The following EXD2 variants were observed in gnomAD, a reference collection of about 807,000 sequenced individuals.
EXD2 encodes exonuclease 3'-5' domain containing 2, also known as exonuclease 3'-5' domain-containing protein 2.
Under a neutral mutation model 62.5 loss-of-function variants are expected in EXD2, and 40 were observed. The ratio of observed to expected loss-of-function variants is 0.64; its 90% CI spans 0.50 to 0.83. The LOEUF is 0.83. Ranked by LOEUF, EXD2 falls within the 40% of genes least tolerant of loss-of-function variation. The pLI is 0.00. For synonymous variants in EXD2, 239 were observed against 291.9 expected, an observed-to-expected ratio of 0.82 and a Z score of 1.85; for missense variants, 671 against 761.8, an observed-to-expected ratio of 0.88 and a Z score of 1.40.
At chr14:69,226,505 T>C (rs1246807617) in intron 3 of EXD2, among the ~76,000 whole-genome samples, 1 of 152,194 alleles carries the variant, frequency 6.6e-6, no homozygotes. Context: ...CACAGCACTT[T>C]GGGAGGCTGA....
At chr14:69,193,319 G>A (rs2042097285) in intron 1 of EXD2, among the ~76,000 whole-genome samples, 1 of 152,146 alleles carries the variant, frequency 6.6e-6, no homozygotes, top group Non-Finnish European at 1.5e-5. Context: ...TTGGCCTCCC[G>A]AAGTGATGGG....
At chr14:69,195,813 G>T (rs1354098775) in intron 1 of EXD2, among the ~76,000 whole-genome samples, 2 of 152,078 alleles carry the variant, frequency 1.3e-5, no homozygotes, top group Non-Finnish European at 2.9e-5. Flanking sequence ...ATAATGTACT[G>T]AAGATTCTTC....
At chr14:69,215,213 C>A (rs2042947517) in intron 3 of EXD2, among the ~76,000 whole-genome samples, 3 of 151,942 alleles carry the variant, frequency 2.0e-5, no homozygotes, top group African/African-American at 7.3e-5. Context: ...TTGCTGGAAC[C>A]CAGGAGGCAG....
intron 2 of EXD2, among the ~76,000 whole-genome samples, chr14:69,207,975 T>C (rs934152065): frequency 6.6e-6 from 1 of 151,908 alleles, no homozygotes; most frequent in East Asian, 1.9e-4. Context: ...TTCGGCTGAC[T>C]GAAACCTCCA....
chr14:69,216,807 GT>G (rs2043000774), intron 3 of EXD2, among the ~76,000 whole-genome samples: 1 of 152,026 alleles, frequency 6.6e-6, no homozygotes, highest in African/African-American at 2.4e-5. Flanking sequence ...TAATTAACAA[GT>G]GCATTACTTC....
chr14:69,203,367 T>C lies in EXD2; in HGVS notation c.-131-550T>C, dbSNP rs886674331. ...CTGGGATTACAGGCCTGAGCCATCA[T>C]GCCTGGCTTCAAGTATTGCGTATAG... On this transcript the variant is annotated intron_variant, in intron 1 of 9. Transcript: ENST00000685843. Among the ~76,000 whole-genome samples, 7 of 152,188 alleles carry C rather than the reference T, an allele frequency of 4.6e-5. No individual in the cohort carries two copies. In the East Asian group the frequency reaches 1.4e-3, roughly 29 times the overall value.
Position 69,240,981 on chromosome 14 carries a change from C to T in EXD2, c.1747C>T (p.Arg583Cys), listed in dbSNP as rs1269380207. ...CCTCATGCAGCTGGAGAGCCGCTGG[C>T]GTCAGCACTTCCTGGACTCCATGCA... ...RSLMQLESRW[R>C]QHFLDSMQPK... Residue 583 changes from arginine (R) to cysteine (C), a missense_variant, in exon 10 of 10, where the codon CGT becomes TGT. Transcript: ENST00000685843. 4 of 1,613,308 alleles carry T rather than the reference C, an allele frequency of 2.5e-6. No homozygotes were observed. In the South Asian group the frequency reaches 3.3e-5, roughly 13 times the overall value.
chr14:69,200,708 C>T (rs565399686), intron 1 of EXD2, among the ~76,000 whole-genome samples: 60 of 61,486 alleles, frequency 9.8e-4, no homozygotes, highest in Non-Finnish European at 5.1e-4. Flanking sequence ...GACCTTGTCT[C>T]CAAAAAAAAA....
chr14:69,213,972 C>T (rs1454598810), intron 3 of EXD2: 1 of 152,046 alleles, frequency 6.6e-6, no homozygotes, highest in Non-Finnish European at 1.5e-5. Context: ...TCCTTAAAAT[C>T]GTTCTTTAAC....
intron 2 of EXD2, among the ~76,000 whole-genome samples, chr14:69,208,679 T>C (rs1265007200): frequency 6.6e-6 from 1 of 152,248 alleles, no homozygotes; most frequent in Non-Finnish European, 1.5e-5. Flanking sequence ...TTCATTGATT[T>C]ACATTAACCT....
At position 69,240,982 on chromosome 14, in the gene EXD2, G is replaced by A. The variant is rs1339900802; in HGVS notation, c.1748G>A (p.Arg583His). 16 of 1,613,188 alleles carry A rather than the reference G, an allele frequency of 9.9e-6. No homozygotes were observed. The highest frequency in any genetic ancestry group is 1.9e-4 in the Middle Eastern group (1 of 5,388). The change falls in exon 10 of 10, where the codon CGT becomes CAT. Residue 583 changes from arginine to histidine, a missense_variant. Transcript: ENST00000685843. ...CTCATGCAGCTGGAGAGCCGCTGGC[G>A]TCAGCACTTCCTGGACTCCATGCAG... ...RSLMQLESRW[R>H]QHFLDSMQPK...
chr14:69,236,166 C>T lies in EXD2; in HGVS notation c.1156+14C>T, dbSNP rs1363119939. ...AAGGCATTGGTGGTATGAGATTCAG[C>T]TGTCCTTGTTTATCTCTAATTAGGT... On this transcript the variant is annotated intron_variant, in intron 7 of 9. Transcript: ENST00000685843. 1 of 1,604,454 alleles carries T rather than the reference C, an allele frequency of 6.2e-7. No homozygotes were observed. The highest frequency in any genetic ancestry group is 8.5e-7 in the Non-Finnish European group (1 of 1,171,238).
chr14:69,221,519 C>T (rs2043182260), intron 3 of EXD2, among the ~76,000 whole-genome samples: 1 of 152,070 alleles, frequency 6.6e-6, no homozygotes. Flanking sequence ...AATCCCACCA[C>T]TATGGGAGGC....
At chr14:69,231,356 C>G (rs1185151615) in intron 5 of EXD2, among the ~76,000 whole-genome samples, 2 of 151,944 alleles carry the variant, frequency 1.3e-5, no homozygotes, top group Non-Finnish European at 2.9e-5. Context: ...TTTATATTAT[C>G]TTTTGACATC....
intron 3 of EXD2, among the ~76,000 whole-genome samples, chr14:69,228,585 A>G (rs964168466): frequency 6.6e-6 from 1 of 151,770 alleles, no homozygotes; most frequent in African/African-American, 2.4e-5. Context: ...ATGGACTTAT[A>G]TTTCAGACCT....
At chr14:69,226,330 T>A (rs1447400332) in intron 3 of EXD2, among the ~76,000 whole-genome samples, 1 of 152,120 alleles carries the variant, frequency 6.6e-6, no homozygotes. Flanking sequence ...GACAATGAGA[T>A]CAAACTGGCA....
chr14:69,238,211 G>C (rs1332214972), intron 9 of EXD2, among the ~76,000 whole-genome samples: 2 of 152,206 alleles, frequency 1.3e-5, no homozygotes, highest in South Asian at 4.1e-4. Flanking sequence ...TAGCGTGCGA[G>C]TGCAGTTGTG....
At chr14:69,204,673 C>T (rs1304032745) in intron 2 of EXD2, among the ~76,000 whole-genome samples, 3 of 152,030 alleles carry the variant, frequency 2.0e-5, no homozygotes, top group Admixed American at 1.3e-4. Context: ...TAAACTGTTA[C>T]CACAGTTTAA....
intron 3 of EXD2, among the ~76,000 whole-genome samples, chr14:69,218,656 T>C (rs889622261): frequency 2.6e-5 from 4 of 152,226 alleles, no homozygotes; most frequent in Non-Finnish European, 4.4e-5. Flanking sequence ...AACATTTAAG[T>C]CTTTAATCCA....
Sources: gnomAD v4.1 joint callset for allele counts (sites outside exome capture counted in the v4.1 genomes callset) on GRCh38, gnomAD v4.1.1 for gene constraint, MANE v1.5 for transcripts, NCBI Gene and HGNC (gene_info 2026-07-23, HGNC 2026-07-21) for gene names.